EGLN1: variants seen among roughly 807,000 people sequenced by gnomAD.
EGLN1 encodes egl-9 family hypoxia inducible factor 1, also known as egl nine homolog 1.
A neutral mutation model predicts 38.3 loss-of-function variants in EGLN1; 17 were observed. That is an observed-to-expected ratio of 0.44 (90% CI 0.30 to 0.67). The LOEUF (loss-of-function observed/expected upper bound fraction) is 0.67, where lower values mean the gene tolerates loss of function less well. EGLN1 is among the 30% of genes least tolerant of loss of function. EGLN1 has a pLI of 0.08. For missense variants in EGLN1, 477 were observed against 603.3 expected, an observed-to-expected ratio of 0.79 and a Z score of 2.19; for synonymous variants, 283 against 257.5, an observed-to-expected ratio of 1.10 and a Z score of -0.95.
At chr1:231,385,912 G>A (rs759435671) in intron 1 of EGLN1, among the ~76,000 whole-genome samples, 2 of 152,008 alleles carry the variant, frequency 1.3e-5, no homozygotes, top group Non-Finnish European at 2.9e-5. Context: ...GTGCAGTGGC[G>A]TGATCATGGC....
chr1:231,408,531 A>G (rs1447744695), intron 1 of EGLN1, among the ~76,000 whole-genome samples: 1 of 152,168 alleles, frequency 6.6e-6, no homozygotes, highest in African/African-American at 2.4e-5. Flanking sequence ...GTACATGGAG[A>G]AAAATGAATT....
intron 1 of EGLN1, among the ~76,000 whole-genome samples, chr1:231,400,820 C>T (rs916365720): frequency 2.6e-5 from 4 of 152,224 alleles, no homozygotes; most frequent in African/African-American, 9.6e-5. Context: ...GAAGCTGAGG[C>T]GGGTAGATTG....
intron 1 of EGLN1, among the ~76,000 whole-genome samples, chr1:231,378,185 A>C (rs1688003116): frequency 6.6e-6 from 1 of 152,164 alleles, no homozygotes; most frequent in African/African-American, 2.4e-5. Flanking sequence ...TAACTTGCCA[A>C]TACCAGCCCC....
At chr1:231,368,146 A>G (rs1005882817) in intron 3 of EGLN1, among the ~76,000 whole-genome samples, 3 of 152,176 alleles carry the variant, frequency 2.0e-5, no homozygotes, top group Non-Finnish European at 2.9e-5. Context: ...AGCCGAGATC[A>G]TGCCACTGCA....
chr1:231,409,992 G>GA (rs552857415), intron 1 of EGLN1, among the ~76,000 whole-genome samples: 1 of 151,860 alleles, frequency 6.6e-6, no homozygotes, highest in Admixed American at 6.6e-5. Context: ...AACCCAGGGG[G>GA]AAAAAAAGTG....
At chr1:231,412,142 A>G (rs2491417) in intron 1 of EGLN1, among the ~76,000 whole-genome samples, 22,985 of 151,660 alleles carry the variant, frequency 0.15, 2,135 homozygotes, top group African/African-American at 0.25. Flanking sequence ...TCCACATCAA[A>G]GGGATGAAAG....
intron 1 of EGLN1, among the ~76,000 whole-genome samples, chr1:231,414,733 CTTT>C (rs71179779): frequency 1.5e-5 from 2 of 129,482 alleles, no homozygotes; most frequent in Non-Finnish European, 1.6e-5. Flanking sequence ...AATCCCAGCA[CTTT>C]TTTTTTTTTT....
intron 1 of EGLN1, among the ~76,000 whole-genome samples, chr1:231,396,629 C>T (rs1319673912): frequency 6.6e-6 from 1 of 152,136 alleles, no homozygotes. Context: ...CAATCTCATG[C>T]CCACCCCAGT....
intron 1 of EGLN1, among the ~76,000 whole-genome samples, chr1:231,409,746 G>A (rs1688887172): frequency 6.6e-6 from 1 of 152,146 alleles, no homozygotes; most frequent in Non-Finnish European, 1.5e-5. Context: ...ATTTGTTACA[G>A]TTACAGCTAA....
In EGLN1 at chr1:231,366,245, A is replaced by G. The variant is rs1687641221; in HGVS notation, c.*166T>C. The G allele has an allele frequency of 4.3e-6, 3 of 698,776 alleles. No individual in the cohort carries two copies. In the African/African-American group the frequency reaches 5.4e-5, roughly 13 times the overall value. The allele number at this position is 698,776 out of a possible 1,614,324, so 43.3% of individuals were successfully genotyped here. A position where few individuals can be genotyped will look rare whatever the true frequency, so the allele number is the denominator to read the frequency against. ...AGTTGATCATGCAGTACAAAGTCAC[A>G]GCAGTCAAAATCTTCTGTTTGATGC... On this transcript the variant is annotated 3_prime_UTR_variant, in exon 5 of 5. Transcript: ENST00000366641.
At chr1:231,372,841 T>C (rs182186442) in intron 2 of EGLN1, among the ~76,000 whole-genome samples, 34 of 152,180 alleles carry the variant, frequency 2.2e-4, no homozygotes, top group African/African-American at 8.2e-4. Context: ...CATTTAAGAC[T>C]CAGGCAGTTT....
chr1:231,399,940 G>A (rs1174415585), intron 1 of EGLN1, among the ~76,000 whole-genome samples: 1 of 152,076 alleles, frequency 6.6e-6, no homozygotes, highest in Non-Finnish European at 1.5e-5. Flanking sequence ...TCACTTGAAG[G>A]CACATGTCAT....
chr1:231,374,427 T>C (rs941967609), intron 1 of EGLN1, among the ~76,000 whole-genome samples: 1 of 152,182 alleles, frequency 6.6e-6, no homozygotes, highest in African/African-American at 2.4e-5. Flanking sequence ...GATTTCAATC[T>C]TCCTTGAGCT....
intron 2 of EGLN1, 100 bp from the exon 3 acceptor site, chr1:231,370,798 T>C (rs1050353842): frequency 7.5e-6 from 10 of 1,341,708 alleles, no homozygotes; most frequent in Non-Finnish European, 1.1e-5. Flanking sequence ...TTAATTGGAT[T>C]ATTCACAAAT....
intron 1 of EGLN1, among the ~76,000 whole-genome samples, chr1:231,383,571 A>C (rs552729382): frequency 6.6e-6 from 1 of 152,358 alleles, no homozygotes; most frequent in South Asian, 2.1e-4. Flanking sequence ...CTGTACAGGG[A>C]AAAGAATATT....
chr1:231,404,715 A>C (rs940957170), intron 1 of EGLN1, among the ~76,000 whole-genome samples: 1 of 152,184 alleles, frequency 6.6e-6, no homozygotes. Flanking sequence ...AAATTAATTA[A>C]CATCTAAGGG....
intron 1 of EGLN1, among the ~76,000 whole-genome samples, chr1:231,406,876 C>A (rs891216872): frequency 1.8e-4 from 28 of 152,068 alleles, no homozygotes; most frequent in Non-Finnish European, 3.5e-4. Flanking sequence ...TCTAAGCTAT[C>A]GGAAAAGGGT....
At chr1:231,388,652 TG>T (rs1441561807) in intron 1 of EGLN1, among the ~76,000 whole-genome samples, 3 of 34,492 alleles carry the variant, frequency 8.7e-5, no homozygotes. Context: ...TTTGGTTTTT[TG>T]TTGTTGTTGT....
chr1:231,411,939 CA>C (rs1688960006), intron 1 of EGLN1, among the ~76,000 whole-genome samples: 1 of 132,018 alleles, frequency 7.6e-6, no homozygotes, highest in Non-Finnish European at 1.5e-5. Flanking sequence ...GCAGAGGTTG[CA>C]GGCAGAGGTT....
Sources: gnomAD v4.1 joint callset for allele counts (sites outside exome capture counted in the v4.1 genomes callset) on GRCh38, gnomAD v4.1.1 for gene constraint, MANE v1.5 for transcripts, NCBI Gene and HGNC (gene_info 2026-07-23, HGNC 2026-07-21) for gene names.